SLC38A8: variants seen among roughly 807,000 people sequenced by gnomAD.
SLC38A8 encodes the protein amino acid transporter SLC38A8.
In SLC38A8, 65 loss-of-function variants were observed where a neutral mutation model predicts 46.0. The ratio of observed to expected loss-of-function variants is 1.41; its 90% CI spans 1.16 to 1.74. The LOEUF is 1.74. Ranked by LOEUF, SLC38A8 falls within the 40% of genes most tolerant of loss-of-function variation. The pLI is 0.00. For missense variants in SLC38A8, 998 were observed against 567.9 expected (o/e 1.76, Z -7.70); for synonymous variants, 447 against 243.7 (o/e 1.83, Z -7.77).
At chr16:84,029,609 C>T (rs979714923) in intron 5 of SLC38A8, 58 bp from the exon 6 acceptor site, 15 of 1,541,934 alleles carry the variant, frequency 9.7e-6, no homozygotes, top group East Asian at 2.2e-5. Context: ...GAACAACCTG[C>T]GGCTGCAATG....
intron 10 of SLC38A8, among the ~76,000 whole-genome samples, 193 bp downstream of exon 10, chr16:84,012,808 G>C (rs1014280742): frequency 6.6e-6 from 1 of 152,226 alleles, no homozygotes; most frequent in Non-Finnish European, 1.5e-5. Flanking sequence ...AGGACCCGGT[G>C]TTACTGGCCC....
rs534533685 is a variant in SLC38A8 at position 84,024,091 on chromosome 16, C to A, written c.691-1202G>T. ...GTCCCTGGCCGGGACCTACTACATG[C>A]CAGTAACAGCCCCCCTCCCCCAAGT... On this transcript the variant is annotated intron_variant, in intron 6 of 10. Coordinates refer to ENST00000299709, the MANE Select transcript of SLC38A8 (RefSeq NM_001080442.3). Among the ~76,000 whole-genome samples the A allele has an allele frequency of 2.8e-3, 424 of 152,150 alleles. 2 individuals are homozygous for A. Among genetic ancestry groups the A allele is most frequent in the Admixed American group, 3.9e-3 (60 of 15,274 alleles).
At chr16:84,025,487 G>C (rs555390349) in intron 6 of SLC38A8, among the ~76,000 whole-genome samples, 12 of 151,910 alleles carry the variant, frequency 7.9e-5, no homozygotes, top group Admixed American at 7.8e-4. Flanking sequence ...TTTTCGGTTT[G>C]TCTACTCAGC....
intron 2 of SLC38A8, 121 bp downstream of exon 2, chr16:84,041,848 A>G (rs1343005118): frequency 2.2e-6 from 2 of 889,450 alleles, no homozygotes; most frequent in African/African-American, 3.4e-5. Context: ...GATAGAAAAT[A>G]AAACCCCGAA....
upstream of SLC38A8, among the ~76,000 whole-genome samples, chr16:84,042,912 G>A (rs548226698): frequency 6.6e-6 from 1 of 152,300 alleles, no homozygotes; most frequent in East Asian, 1.9e-4. Context: ...GGGTGACAGG[G>A]AGCTCAGCTG....
intron 10 of SLC38A8, among the ~76,000 whole-genome samples, chr16:84,011,125 C>A (rs146003331): frequency 6.6e-6 from 1 of 152,328 alleles, no homozygotes; most frequent in East Asian, 1.9e-4. Flanking sequence ...CACGGCTGTT[C>A]AGCGCCATAA....
intron 2 of SLC38A8, 83 bp downstream of exon 2, chr16:84,041,886 G>A (rs1023913941): frequency 7.8e-6 from 10 of 1,282,196 alleles, no homozygotes; most frequent in African/African-American, 4.5e-5. Flanking sequence ...ACGCAACTCC[G>A]CAGAAGCAAT....
intron 2 of SLC38A8, chr16:84,040,935 T>C (rs1597283207): frequency 6.6e-6 from 1 of 151,892 alleles, no homozygotes; most frequent in Admixed American, 6.6e-5. Context: ...ACGCCAGGGG[T>C]GTCATGGGTT....
At chr16:84,031,805 T>G in intron 5 of SLC38A8, 62 bp downstream of exon 5, 1 of 1,426,996 alleles carries the variant, frequency 7.0e-7, no homozygotes, top group Non-Finnish European at 9.9e-7. Flanking sequence ...AAGACTCCCC[T>G]CACAGACTCC....
chr16:84,023,203 C>G (rs1287741547), intron 6 of SLC38A8, among the ~76,000 whole-genome samples: 1 of 152,056 alleles, frequency 6.6e-6, no homozygotes, highest in Non-Finnish European at 1.5e-5. Flanking sequence ...CCCCTTTCCC[C>G]TCTCTCCCTT....
chr16:84,021,991 T>C (rs2085101444), intron 7 of SLC38A8, among the ~76,000 whole-genome samples: 2 of 152,158 alleles, frequency 1.3e-5, no homozygotes, highest in Admixed American at 6.5e-5. Flanking sequence ...AACCTATTAA[T>C]CCACTAATCC....
chr16:84,019,548 G>C (rs1428039352), intron 7 of SLC38A8, among the ~76,000 whole-genome samples: 4 of 152,128 alleles, frequency 2.6e-5, no homozygotes, highest in African/African-American at 7.2e-5. Context: ...ATTTCAACAA[G>C]AGTTTTGGAG....
At chr16:84,015,875 T>G (rs538470821) in intron 9 of SLC38A8, among the ~76,000 whole-genome samples, 3 of 152,164 alleles carry the variant, frequency 2.0e-5, no homozygotes, top group Non-Finnish European at 4.4e-5. Context: ...ATGGCTAATT[T>G]TGTATTTTTA....
intron 6 of SLC38A8, among the ~76,000 whole-genome samples, chr16:84,025,667 C>A (rs896254977): frequency 6.6e-6 from 1 of 152,222 alleles, no homozygotes; most frequent in Non-Finnish European, 1.5e-5. Flanking sequence ...CAGCCTCGCT[C>A]TGTCACTCAT....
chr16:84,011,016 A>G (rs1355981874), intron 10 of SLC38A8, among the ~76,000 whole-genome samples: 1 of 152,190 alleles, frequency 6.6e-6, no homozygotes, highest in Non-Finnish European at 1.5e-5. Flanking sequence ...AGATTCCCAC[A>G]AAATGGCAGG....
At chr16:84,014,182 C>G (rs1043773490) in intron 9 of SLC38A8, among the ~76,000 whole-genome samples, 15 of 151,548 alleles carry the variant, frequency 9.9e-5, no homozygotes, top group Admixed American at 7.9e-4. Flanking sequence ...TCTGAAAGCC[C>G]CGCCCAGAGC....
chr16:84,020,479 C>T (rs1308817386), intron 7 of SLC38A8, among the ~76,000 whole-genome samples: 1 of 152,192 alleles, frequency 6.6e-6, no homozygotes, highest in Admixed American at 6.5e-5. Flanking sequence ...TGGGTGGAGG[C>T]TGCCAAGCTT....
intron 9 of SLC38A8, among the ~76,000 whole-genome samples, chr16:84,015,921 C>G (rs975970191): frequency 6.6e-6 from 1 of 152,184 alleles, no homozygotes; most frequent in Non-Finnish European, 1.5e-5. Flanking sequence ...TCAGGTGATC[C>G]GCCTGCCTCG....
chr16:84,016,683 C>G lies in SLC38A8; in HGVS notation c.998G>C (p.Trp333Ser). The change falls in exon 9 of 11, where the codon TGG becomes TCG. Residue 333 changes from tryptophan (W) to serine (S), a missense_variant. Transcript: ENST00000299709. ...GGGGTCGGCCAGGGCGCTGGGCCCC[C>G]ATCCCCCCAAGCAGCTCCTCCTCCA... ...DFWRRSCLGG[W>S]GPSALADPSG... 2 of 1,613,476 alleles carry G rather than the reference C, an allele frequency of 1.2e-6. No homozygotes were observed. The highest frequency in any genetic ancestry group is 2.2e-5 in the South Asian group (2 of 91,056).
Sources: allele counts gnomAD v4.1 joint callset (sites outside exome capture counted in the v4.1 genomes callset), GRCh38; gene constraint gnomAD v4.1.1; transcripts MANE v1.5; gene names NCBI Gene and HGNC (gene_info 2026-07-23, HGNC 2026-07-21).